Variants in DLG2 observed in about 807,000 individuals in gnomAD.
The protein encoded by DLG2 is disks large homolog 2.
DLG2 carries 45 observed loss-of-function variants against 132.5 expected under a neutral mutation model. That is an observed-to-expected ratio of 0.34 (90% CI 0.27 to 0.44). The LOEUF is 0.44. DLG2 is among the 20% of genes least tolerant of loss of function. The pLI is 1.00. For missense variants in DLG2, 1,045 were observed against 1,196.9 expected (o/e 0.87, Z 1.87); for synonymous variants, 424 against 419.6 (o/e 1.01, Z -0.13).
At chr11:84,457,335 A>T (rs923735857) in intron 7 of DLG2, among the ~76,000 whole-genome samples, 5 of 151,108 alleles carry the variant, frequency 3.3e-5, no homozygotes, top group Admixed American at 1.3e-4. Flanking sequence ...AAGAGATTGG[A>T]TATACTACAA....
intron 9 of DLG2, among the ~76,000 whole-genome samples, chr11:84,102,479 C>T (rs2092612816): frequency 6.6e-6 from 1 of 152,100 alleles, no homozygotes; most frequent in African/African-American, 2.4e-5. Flanking sequence ...AGCCATTTTG[C>T]TCTGTGTCAT....
chr11:83,740,447 T>C (rs1177016720), intron 18 of DLG2, among the ~76,000 whole-genome samples: 1 of 152,164 alleles, frequency 6.6e-6, no homozygotes, highest in East Asian at 1.9e-4. Context: ...AAGTGCCAAC[T>C]GGATAAAAAC....
chr11:84,747,232 C>T (rs911146263), intron 6 of DLG2, among the ~76,000 whole-genome samples: 1 of 151,172 alleles, frequency 6.6e-6, no homozygotes, highest in African/African-American at 2.4e-5. Flanking sequence ...ATATGCAATT[C>T]CCTTTTTTAA....
chr11:85,194,191 G>A (rs2080859387), intron 4 of DLG2, among the ~76,000 whole-genome samples: 1 of 152,228 alleles, frequency 6.6e-6, no homozygotes, highest in Non-Finnish European at 1.5e-5. Flanking sequence ...TGTGAAGACT[G>A]CAAGACTCTC....
At chr11:84,093,047 A>AAG (rs1566456000) in intron 10 of DLG2, among the ~76,000 whole-genome samples, 1 of 151,530 alleles carries the variant, frequency 6.6e-6, no homozygotes, top group African/African-American at 2.4e-5. Flanking sequence ...AAAAAAAAAA[A>AAG]AAAGAAAGAA....
rs534034796 is a variant in DLG2, at chr11:85,518,177, A to T, written c.40+80480T>A. Among the ~76,000 whole-genome samples the T allele has an allele frequency of 5.9e-5, 9 of 152,356 alleles. No homozygotes were observed. In the South Asian group the frequency reaches 1.9e-3, roughly 32 times the overall value. The stretch of plus-strand genomic sequence containing the variant: ...CTGAAAAGGTACCTGAAAATGTGGA[A>T]GTGACTTTGGAACTTGGTAACACGC... On this transcript the variant is annotated intron_variant, in intron 3 of 27. Transcript: ENST00000376104.
intron 12 of DLG2, among the ~76,000 whole-genome samples, chr11:83,977,436 C>T (rs1440459685): frequency 2.6e-5 from 4 of 152,024 alleles, no homozygotes; most frequent in Non-Finnish European, 5.9e-5. Flanking sequence ...GGAAAGTACA[C>T]TACTGTATTC....
intron 3 of DLG2, among the ~76,000 whole-genome samples, chr11:85,435,698 G>T (rs1034326958): frequency 6.6e-6 from 1 of 152,146 alleles, no homozygotes; most frequent in Non-Finnish European, 1.5e-5. Flanking sequence ...CATGCTCATG[G>T]ATAGGAAGAG....
At chr11:85,495,522 A>G (rs2093650518) in intron 3 of DLG2, among the ~76,000 whole-genome samples, 1 of 152,204 alleles carries the variant, frequency 6.6e-6, no homozygotes, top group South Asian at 2.1e-4. Context: ...GCCAACAAAC[A>G]TGAAAAAAAG....
At chr11:83,856,728 C>G (rs1393313693) in intron 16 of DLG2, among the ~76,000 whole-genome samples, 25 of 152,028 alleles carry the variant, frequency 1.6e-4, no homozygotes, top group Non-Finnish European at 2.9e-5. Flanking sequence ...GATATTTGAC[C>G]TTTCTCAGAT....
At chr11:84,301,645 G>A (rs1301367788) in intron 7 of DLG2, among the ~76,000 whole-genome samples, 5 of 113,434 alleles carry the variant, frequency 4.4e-5, no homozygotes, top group African/African-American at 7.0e-5. Context: ...GGTGACAGGC[G>A]AGACTCAAAA....
chr11:84,709,449 T>C (rs1375486399), intron 6 of DLG2, among the ~76,000 whole-genome samples: 2 of 152,002 alleles, frequency 1.3e-5, no homozygotes, highest in Non-Finnish European at 2.9e-5. Context: ...ATGTGAGACA[T>C]TGTATTTGTT....
At chr11:84,329,087 A>T (rs1300207161) in intron 7 of DLG2, among the ~76,000 whole-genome samples, 1 of 152,136 alleles carries the variant, frequency 6.6e-6, no homozygotes, top group Non-Finnish European at 1.5e-5. Context: ...CTTGCTATTG[A>T]ACTTGTCCCA....
At chr11:84,285,264 C>T (rs1008830046) in intron 7 of DLG2, among the ~76,000 whole-genome samples, 1 of 152,100 alleles carries the variant, frequency 6.6e-6, no homozygotes, top group Non-Finnish European at 1.5e-5. Flanking sequence ...TCCAGTAAAT[C>T]CCAGCTCCGC....
intron 7 of DLG2, among the ~76,000 whole-genome samples, chr11:84,272,740 A>C (rs2154365275): frequency 6.6e-6 from 1 of 152,306 alleles, no homozygotes; most frequent in South Asian, 2.1e-4. Context: ...AAAGAATAGC[A>C]ATTTTGGTTT....
At chr11:84,177,576 C>G (rs2096005115) in intron 8 of DLG2, among the ~76,000 whole-genome samples, 1 of 152,146 alleles carries the variant, frequency 6.6e-6, no homozygotes, top group Non-Finnish European at 1.5e-5. Context: ...ACTACTTATA[C>G]TTACTTCAAT....
chr11:84,300,687 G>A (rs747152082), intron 7 of DLG2, among the ~76,000 whole-genome samples: 2 of 152,014 alleles, frequency 1.3e-5, no homozygotes, highest in African/African-American at 2.4e-5. Context: ...TAAGAGCTTC[G>A]TAATAGAATA....
At chr11:84,546,595 C>A in intron 6 of DLG2, 1 of 474,838 alleles carries the variant, frequency 2.1e-6, no homozygotes, top group Non-Finnish European at 4.0e-6. Context: ...TCTTTGGTTC[C>A]ACGACTCTCT....
chr11:83,631,028 C>G (rs987977309), intron 19 of DLG2, among the ~76,000 whole-genome samples: 1 of 152,022 alleles, frequency 6.6e-6, no homozygotes, highest in Admixed American at 6.6e-5. Flanking sequence ...CACAACTGAC[C>G]GTGGTCCTAT....
Sources: allele counts gnomAD v4.1 joint callset (sites outside exome capture counted in the v4.1 genomes callset), GRCh38; gene constraint gnomAD v4.1.1; transcripts MANE v1.5; gene names NCBI Gene and HGNC (gene_info 2026-07-23, HGNC 2026-07-21).